TNFRSF10B: variants seen among roughly 807,000 people sequenced by gnomAD.
TNFRSF10B encodes TNF receptor superfamily member 10b.
A neutral mutation model predicts 41.4 loss-of-function variants in TNFRSF10B; 35 were observed. The observed-to-expected ratio is 0.85, with a 90% CI of 0.65 to 1.12. The LOEUF (loss-of-function observed/expected upper bound fraction) is 1.12. TNFRSF10B is among the 50% of genes most tolerant of loss of function. The pLI, the probability that TNFRSF10B is intolerant of heterozygous loss-of-function variation, is 0.00. For synonymous variants in TNFRSF10B, 230 were observed against 215.5 expected (o/e 1.07, Z -0.59); for missense variants, 584 against 552.7 (o/e 1.06, Z -0.57).
At chr8:23,047,134 C>T (rs749696820) in intron 1 of TNFRSF10B, among the ~76,000 whole-genome samples, 99 of 152,000 alleles carry the variant, frequency 6.5e-4, no homozygotes, top group African/African-American at 8.5e-4. Context: ...GAAGTTTCTG[C>T]GGAACCTGAG....
chr8:23,021,593 A>G lies in TNFRSF10B; in HGVS notation c.*1078T>C. 2 of 454,150 alleles carry G rather than the reference A, an allele frequency of 4.4e-6. No homozygotes were observed. Among genetic ancestry groups the G allele is most frequent in the South Asian group, 3.1e-5 (2 of 64,478 alleles). 28.1% of individuals were successfully genotyped at this position (454,150 alleles called of 1,614,324 possible). ...TCTGCCTCTGTCCCAGCCTGTCCATAGATGGGGGCTATGGGTGCAAATGAG... is the reference window on the plus strand; with the variant it reads ...TCTGCCTCTGTCCCAGCCTGTCCATGGATGGGGGCTATGGGTGCAAATGAG... On this transcript the variant is annotated 3_prime_UTR_variant, in exon 9 of 9. Coordinates refer to ENST00000276431, the MANE Select transcript of TNFRSF10B (RefSeq NM_003842.5).
chr8:23,026,971 G>A (rs539448387), intron 7 of TNFRSF10B, among the ~76,000 whole-genome samples, 162 bp downstream of exon 7: 111 of 152,312 alleles, frequency 7.3e-4, no homozygotes, highest in African/African-American at 2.6e-3. Context: ...GACTGGCACG[G>A]TCACCACCTC....
At chr8:23,054,798 T>A (rs1043945108) in intron 1 of TNFRSF10B, among the ~76,000 whole-genome samples, 2 of 152,202 alleles carry the variant, frequency 1.3e-5, no homozygotes, top group Non-Finnish European at 2.9e-5. Context: ...ATGGTTGGGC[T>A]CGGCTTTAAA....
chr8:23,062,211 TTTC>T (rs1304253215), intron 1 of TNFRSF10B, among the ~76,000 whole-genome samples: 2 of 151,970 alleles, frequency 1.3e-5, no homozygotes, highest in Non-Finnish European at 2.9e-5. Flanking sequence ...CTCTATGGTT[TTTC>T]TTTTTTCTTT....
chr8:23,063,346 CAAAAAAA>C (rs11321750), intron 1 of TNFRSF10B, among the ~76,000 whole-genome samples: 1 of 128,824 alleles, frequency 7.8e-6, no homozygotes, highest in African/African-American at 2.8e-5. Context: ...GAAACTGTCT[CAAAAAAA>C]AAAAAAAAAA....
rs181292950 is a variant in TNFRSF10B, at chr8:23,047,753, G to T, written c.145-4510C>A. Among the ~76,000 whole-genome samples, 179 of 152,302 alleles carry T rather than the reference G, an allele frequency of 1.2e-3. 1 individual carries two copies. The highest frequency in any genetic ancestry group is 4.0e-3 in the African/African-American group (167 of 41,552). The stretch of plus-strand genomic sequence containing the variant: ...AAAAGGGAACCCTTGCTTACTGTTG[G>T]TGGGAATGTAAATTAGTACAGCCAT... On this transcript the variant is annotated intron_variant, in intron 1 of 8. Transcript: ENST00000276431.
At position 23,029,680 on chromosome 8, in the gene TNFRSF10B, C is replaced by G. The variant is rs766314790; in HGVS notation, c.406G>C (p.Val136Leu). 3.7e-6 allele frequency: 6 copies of G among 1,614,048 alleles called. No individual in the cohort carries two copies. The highest frequency in any genetic ancestry group is 1.7e-5 in the Admixed American group (1 of 60,006). The change falls in exon 4 of 9, where the codon GTG (valine) becomes CTG (leucine). Residue 136 changes from valine to leucine, a missense_variant. Transcript: ENST00000276431. ...AAGGTGCCTTCTTCGCACTGACACA[C>G]TGTGTTTCTGGTCGTGGTGCAGGGA... ...LSPCTTTRNTVCQCEEGTFRE... is the reference protein window; with the variant it reads ...LSPCTTTRNTLCQCEEGTFRE...
intron 1 of TNFRSF10B, among the ~76,000 whole-genome samples, chr8:23,046,141 A>T (rs1812352566): frequency 6.6e-6 from 1 of 152,226 alleles, no homozygotes; most frequent in Non-Finnish European, 1.5e-5. Flanking sequence ...GAAAAGGAAG[A>T]AGTAAAATTG....
chr8:23,044,481 C>T (rs920335825), intron 1 of TNFRSF10B, among the ~76,000 whole-genome samples: 1 of 151,928 alleles, frequency 6.6e-6, no homozygotes, highest in African/African-American at 2.4e-5. Flanking sequence ...CAACAAAAAG[C>T]CAACAATGTG....
intron 3 of TNFRSF10B, 54 bp from the exon 4 acceptor site, chr8:23,029,775 C>G (rs1412643660): frequency 1.3e-6 from 2 of 1,535,548 alleles, no homozygotes; most frequent in African/African-American, 1.4e-5. Context: ...TGTCCCTTGA[C>G]CCTTCCTCCC....
chr8:23,028,692 C>A, intron 4 of TNFRSF10B, 90 bp from the exon 5 acceptor site: 1 of 1,514,168 alleles, frequency 6.6e-7, no homozygotes, highest in South Asian at 1.1e-5. Flanking sequence ...TCCCCAGTGT[C>A]CCTGAGAAGG....
At chr8:23,037,350 T>G (rs1812056815) in intron 2 of TNFRSF10B, among the ~76,000 whole-genome samples, 1 of 152,154 alleles carries the variant, frequency 6.6e-6, no homozygotes, top group Non-Finnish European at 1.5e-5. Context: ...CAACACTGAG[T>G]CTCTGATATA....
rs1811632628 is a variant in TNFRSF10B, at chr8:23,024,239, A to G, written c.958T>C (p.Ser320Pro). 2 of 1,613,864 alleles carry G rather than the reference A, an allele frequency of 1.2e-6. No homozygotes were observed. Among genetic ancestry groups the G allele is most frequent in the Admixed American group, 3.3e-5 (2 of 59,998 alleles). Reference protein sequence around the residue: ...HLLEPAEAERSQRRRLLVPAN... With the variant: ...HLLEPAEAERPQRRRLLVPAN... ...GGAACCAGCAGCCTCCTCCTCTGAG[A>G]CCTTTCAGCTTCTGCCGGTTCCTGT... The change falls in exon 8 of 9, where the codon TCT (serine) becomes CCT (proline). Residue 320 changes from serine to proline, a missense_variant. Ser to Pro is a moderately conservative substitution (Grantham distance 74, BLOSUM62 -1). Transcript: ENST00000276431.
chr8:23,043,044 G>T lies in TNFRSF10B; in HGVS notation c.250+94C>A, dbSNP rs1022988914. 9.9e-6 allele frequency: 12 copies of T among 1,211,528 alleles called. No individual in the cohort carries two copies. The African/African-American group carries it at 1.6e-4, about 17-fold the overall frequency. The allele number at this position is 1,211,528 out of a possible 1,614,324, so 75.0% of individuals were successfully genotyped here. ...TGGAGGCACCCAATGCCTCTCTGTG[G>T]AATAAAGAACAAGGAAGTGCAAAGG... is the stretch of plus-strand genomic sequence containing the variant. On this transcript the variant is annotated intron_variant, in intron 2 of 8. Transcript: ENST00000276431.
chr8:23,031,566 C>T (rs1811886342), intron 2 of TNFRSF10B, among the ~76,000 whole-genome samples: 1 of 150,576 alleles, frequency 6.6e-6, no homozygotes, highest in South Asian at 2.1e-4. Context: ...TTTTAGTGTA[C>T]TTTTTTTTTG....
Position 23,020,846 on chromosome 8 carries a change from A to G in TNFRSF10B, c.*1825T>C. On this transcript the variant is annotated 3_prime_UTR_variant, in exon 9 of 9. Coordinates refer to ENST00000276431, the MANE Select transcript of TNFRSF10B (RefSeq NM_003842.5). Reference sequence around the variant, plus strand: ...GCTGAGCGTCCTGCACAGAAGGCCCAGCAAAGGCAAAGACCAGGAGGCAGC... The same window carrying G: ...GCTGAGCGTCCTGCACAGAAGGCCCGGCAAAGGCAAAGACCAGGAGGCAGC... 1 of 454,136 alleles carries G rather than the reference A, an allele frequency of 2.2e-6. No individual in the cohort carries two copies. The allele number at this position is 454,136 out of a possible 1,614,324, so 28.1% of individuals were successfully genotyped here. A position where few individuals can be genotyped will look rare whatever the true frequency, so the allele number is the denominator to read the frequency against.
chr8:23,038,392 T>C (rs1244733857), intron 2 of TNFRSF10B, among the ~76,000 whole-genome samples: 5 of 152,202 alleles, frequency 3.3e-5, no homozygotes, highest in African/African-American at 9.7e-5. Flanking sequence ...TTCTTATAAA[T>C]ACCAGCTACA....
intron 7 of TNFRSF10B, among the ~76,000 whole-genome samples, chr8:23,025,115 C>T (rs892106637): frequency 6.6e-6 from 1 of 152,156 alleles, no homozygotes; most frequent in Non-Finnish European, 1.5e-5. Context: ...TGTACCACTG[C>T]ACTCCAGCCT....
chr8:23,055,255 C>T (rs1812631069), intron 1 of TNFRSF10B, among the ~76,000 whole-genome samples: 1 of 152,116 alleles, frequency 6.6e-6, no homozygotes, highest in Non-Finnish European at 1.5e-5. Flanking sequence ...CTAAAATAGA[C>T]AGTGCTACCG....
Sources: allele counts gnomAD v4.1 joint callset (sites outside exome capture counted in the v4.1 genomes callset), GRCh38; gene constraint gnomAD v4.1.1; transcripts MANE v1.5; gene names NCBI Gene and HGNC (gene_info 2026-07-23, HGNC 2026-07-21).